STXBP5L: variants seen among roughly 807,000 people sequenced by gnomAD.
STXBP5L encodes the protein syntaxin-binding protein 5-like.
STXBP5L carries 65 observed loss-of-function variants against 144.5 expected under a neutral mutation model. The observed-to-expected ratio is 0.45, with a 90% CI of 0.37 to 0.55. The LOEUF (loss-of-function observed/expected upper bound fraction) is 0.55. STXBP5L is among the 20% of genes least tolerant of loss of function. The pLI, the probability that STXBP5L is intolerant of heterozygous loss-of-function variation, is 0.00. For synonymous variants in STXBP5L, 505 were observed against 469.6 expected (o/e 1.08, Z -0.97); for missense variants, 1,298 against 1,405.5 (o/e 0.92, Z 1.22).
At chr3:121,157,788 C>T in intron 9 of STXBP5L, 161 bp downstream of exon 9, 2 of 910,480 alleles carry the variant, frequency 2.2e-6, no homozygotes, top group Admixed American at 8.0e-5. Context: ...AACATTGTAC[C>T]CCAAACTTTC....
At chr3:121,350,825 A>C (rs1481876037) in intron 20 of STXBP5L, among the ~76,000 whole-genome samples, 1 of 151,628 alleles carries the variant, frequency 6.6e-6, no homozygotes, top group South Asian at 2.1e-4. Flanking sequence ...TCCTTTAAGG[A>C]CTTCTCTCCA....
chr3:121,366,533 C>G (rs959159653), intron 20 of STXBP5L, among the ~76,000 whole-genome samples: 16 of 151,740 alleles, frequency 1.1e-4, no homozygotes, highest in Non-Finnish European at 2.1e-4. Flanking sequence ...ATTTAAAGAC[C>G]ATTTTGTCTG....
intron 9 of STXBP5L, among the ~76,000 whole-genome samples, chr3:121,179,437 T>C (rs1431091944): frequency 6.6e-6 from 1 of 152,028 alleles, no homozygotes; most frequent in Non-Finnish European, 1.5e-5. Context: ...ACATAAACAG[T>C]CCAGTCAAAA....
At chr3:121,052,000 G>C (rs1017656952) in intron 5 of STXBP5L, among the ~76,000 whole-genome samples, 13 of 152,228 alleles carry the variant, frequency 8.5e-5, no homozygotes, top group African/African-American at 3.1e-4. Context: ...ATAAATTCCT[G>C]GACACATACA....
chr3:121,355,567 A>G (rs1311795666), intron 20 of STXBP5L, among the ~76,000 whole-genome samples: 4 of 152,000 alleles, frequency 2.6e-5, no homozygotes, highest in Non-Finnish European at 5.9e-5. Context: ...TATTCTGTTT[A>G]TTCTATTTAG....
rs532670159 is a variant in STXBP5L, at chr3:121,080,874, G to A, written c.471-34051G>A. On this transcript the variant is annotated intron_variant, in intron 5 of 26. Transcript: ENST00000471454. ...TTTTTTTGTGATGAATTTCCCATAAGTTATTTGAGCTTCTTGTATTTGGAT... is the reference window on the plus strand; with the variant it reads ...TTTTTTTGTGATGAATTTCCCATAAATTATTTGAGCTTCTTGTATTTGGAT... Among the ~76,000 whole-genome samples, 10 of 152,226 alleles carry A rather than the reference G, an allele frequency of 6.6e-5. No homozygotes were observed. In the East Asian group the frequency reaches 1.7e-3, roughly 26 times the overall value.
At chr3:120,989,985 G>C (rs930733164) in intron 3 of STXBP5L, among the ~76,000 whole-genome samples, 1 of 152,054 alleles carries the variant, frequency 6.6e-6, no homozygotes, top group Non-Finnish European at 1.5e-5. Context: ...AGGAAATAAA[G>C]GGTATTCAAT....
In STXBP5L at chr3:121,378,786, C is replaced by T. The variant is rs773920319; in HGVS notation, c.2247C>T (p.Ala749=). ...GTTCTGGAAAACGTCTTTCTAGTGCCGATGTTTCAAAAGTAAATCGCTGGG... is the reference window on the plus strand; with the variant it reads ...GTTCTGGAAAACGTCTTTCTAGTGCTGATGTTTCAAAAGTAAATCGCTGGG... ...SCSSGKRLSS[A]DVSKVNRWGP... Residue 749 remains alanine, a synonymous_variant, in exon 21 of 27, where the codon GCC becomes GCT. Transcript: ENST00000471454. 3.7e-5 allele frequency: 60 copies of T among 1,613,516 alleles called. No homozygotes were observed. Among genetic ancestry groups the T allele is most frequent in the East Asian group, 1.1e-4 (5 of 44,852 alleles).
At chr3:121,088,346 C>T (rs1488859973) in intron 5 of STXBP5L, among the ~76,000 whole-genome samples, 1 of 114,424 alleles carries the variant, frequency 8.7e-6, no homozygotes, top group Non-Finnish European at 1.8e-5. Context: ...AAGAAATGCT[C>T]ATCATCACTG....
intron 20 of STXBP5L, among the ~76,000 whole-genome samples, chr3:121,349,290 C>T (rs13087300): frequency 6.6e-6 from 1 of 151,776 alleles, no homozygotes; most frequent in Admixed American, 6.6e-5. Context: ...CTTAATCCTG[C>T]GTTCTAGTTT....
intron 3 of STXBP5L, among the ~76,000 whole-genome samples, chr3:121,027,288 T>C (rs1946017960): frequency 6.6e-6 from 1 of 152,062 alleles, no homozygotes; most frequent in Non-Finnish European, 1.5e-5. Flanking sequence ...TAGTTAATCA[T>C]GATTTAAGGA....
At chr3:121,097,321 T>G (rs1384861984) in intron 5 of STXBP5L, among the ~76,000 whole-genome samples, 3 of 152,048 alleles carry the variant, frequency 2.0e-5, no homozygotes, top group Non-Finnish European at 4.4e-5. Flanking sequence ...GAGTGAACGG[T>G]TCTGTCTTGC....
chr3:121,391,051 G>A (rs1362433865), intron 22 of STXBP5L, among the ~76,000 whole-genome samples: 1 of 151,914 alleles, frequency 6.6e-6, no homozygotes, highest in Non-Finnish European at 1.5e-5. Context: ...TTTTCACATA[G>A]TCCCATATTT....
intron 5 of STXBP5L, among the ~76,000 whole-genome samples, chr3:121,081,686 TA>T (rs2042255007): frequency 6.6e-6 from 1 of 152,218 alleles, no homozygotes; most frequent in African/African-American, 2.4e-5. Flanking sequence ...TTCAGGCCAA[TA>T]GGGGTGGTAT....
At chr3:121,042,293 A>G (rs1361200192) in intron 4 of STXBP5L, among the ~76,000 whole-genome samples, 1 of 152,174 alleles carries the variant, frequency 6.6e-6, no homozygotes, top group Non-Finnish European at 1.5e-5. Flanking sequence ...TTTCTACTGT[A>G]TCTACATTTT....
At chr3:121,238,320 G>A (rs989106655) in intron 12 of STXBP5L, among the ~76,000 whole-genome samples, 1 of 152,102 alleles carries the variant, frequency 6.6e-6, no homozygotes, top group Non-Finnish European at 1.5e-5. Flanking sequence ...GATGAAAGAA[G>A]AAACAAGTGA....
At chr3:121,193,285 C>T (rs1014712080) in intron 9 of STXBP5L, among the ~76,000 whole-genome samples, 1 of 142,620 alleles carries the variant, frequency 7.0e-6, no homozygotes, top group African/African-American at 2.6e-5. Context: ...TCGTCTCACA[C>T]CAGTTAGAAT....
chr3:120,976,360 A>G (rs772602609), intron 3 of STXBP5L, among the ~76,000 whole-genome samples: 37 of 152,112 alleles, frequency 2.4e-4, no homozygotes, highest in Non-Finnish European at 7.4e-5. Context: ...CTCTGATAGT[A>G]GTTTGTATTT....
rs183123650 is a variant in STXBP5L at position 121,274,550 on chromosome 3, T to C, written c.1959-5255T>C. Among the ~76,000 whole-genome samples the C allele has an allele frequency of 4.5e-3, 693 of 152,344 alleles. 4 individuals are homozygous for C. Among genetic ancestry groups the C allele is most frequent in the African/African-American group, 0.016 (661 of 41,584 alleles). On this transcript the variant is annotated intron_variant, in intron 18 of 26. Transcript: ENST00000471454. ...TGGCACACATGCAGCTGTGGTGGTG[T>C]TGGGATCCTGGCCACTGGTGCACAG...
Sources: allele counts gnomAD v4.1 joint callset (sites outside exome capture counted in the v4.1 genomes callset), GRCh38; gene constraint gnomAD v4.1.1; transcripts MANE v1.5; gene names NCBI Gene and HGNC (gene_info 2026-07-23, HGNC 2026-07-21).